COL26A1: variants seen among roughly 807,000 people sequenced by gnomAD.
COL26A1 encodes collagen type XXVI alpha 1 chain.
A neutral mutation model predicts 59.3 loss-of-function variants in COL26A1; 41 were observed. The ratio of observed to expected loss-of-function variants is 0.69; its 90% confidence interval spans 0.54 to 0.90. COL26A1 has a LOEUF of 0.90. COL26A1 is among the 40% of genes least tolerant of loss of function. The probability of loss-of-function intolerance (pLI) is 0.00; values close to 1 mark genes in which losing one functional copy is unlikely to be tolerated. For missense variants in COL26A1, 612 were observed against 602.3 expected (o/e 1.02, Z -0.17); for synonymous variants, 266 against 256.0 (o/e 1.04, Z -0.37).
intron 3 of COL26A1, among the ~76,000 whole-genome samples, chr7:101,510,552 G>A (rs1245563733): frequency 3.9e-5 from 6 of 152,176 alleles, no homozygotes; most frequent in Non-Finnish European, 7.3e-5. Context: ...GAGACAGGGC[G>A]AGCCTGGGGC....
intron 2 of COL26A1, among the ~76,000 whole-genome samples, chr7:101,420,982 TG>T (rs1363932756): frequency 2.0e-5 from 3 of 152,090 alleles, no homozygotes; most frequent in Non-Finnish European, 4.4e-5. Flanking sequence ...CTGCCCAGCC[TG>T]GGGCCTCTAC....
At chr7:101,498,933 C>T (rs147357955) in intron 3 of COL26A1, among the ~76,000 whole-genome samples, 47 of 152,258 alleles carry the variant, frequency 3.1e-4, no homozygotes, top group African/African-American at 1.1e-3. Context: ...GCATGTAAGC[C>T]GATCCCCGCA....
intron 3 of COL26A1, among the ~76,000 whole-genome samples, chr7:101,503,203 C>T (rs1212387639): frequency 6.6e-6 from 1 of 152,186 alleles, no homozygotes; most frequent in African/African-American, 2.4e-5. Flanking sequence ...CCTCTCGCCT[C>T]TGTTCTCTAA....
intron 3 of COL26A1, among the ~76,000 whole-genome samples, chr7:101,491,710 C>T (rs148620009): frequency 0.027 from 4,155 of 152,186 alleles, 72 homozygotes; most frequent in South Asian, 0.062. Flanking sequence ...GTGAGGACGA[C>T]CAGAGGTCAC....
intron 3 of COL26A1, among the ~76,000 whole-genome samples, chr7:101,516,400 T>C (rs1401628979): frequency 2.0e-5 from 3 of 152,090 alleles, no homozygotes; most frequent in African/African-American, 7.2e-5. Flanking sequence ...GCCTCTCGAA[T>C]AGCCGGGACT....
chr7:101,505,276 A>T (rs114312142), intron 3 of COL26A1, among the ~76,000 whole-genome samples: 2,439 of 151,538 alleles, frequency 0.016, 74 homozygotes, highest in African/African-American at 0.056. Flanking sequence ...AGTGTGCATG[A>T]ATGTGTATGA....
chr7:101,394,188 A>C (rs1410410885), intron 1 of COL26A1, among the ~76,000 whole-genome samples: 1 of 152,156 alleles, frequency 6.6e-6, no homozygotes, highest in African/African-American at 2.4e-5. Flanking sequence ...AGATGTTACC[A>C]TGGAAACCAG....
chr7:101,508,431 A>T (rs976109103), intron 3 of COL26A1, among the ~76,000 whole-genome samples: 2 of 150,602 alleles, frequency 1.3e-5, no homozygotes, highest in African/African-American at 4.9e-5. Flanking sequence ...AGGTGGGAGG[A>T]TCGCTTGAGC....
intron 3 of COL26A1, among the ~76,000 whole-genome samples, chr7:101,463,889 CTTTCTTTCTTTCTT>C (rs1229015261): frequency 1.3e-5 from 1 of 79,700 alleles, no homozygotes; most frequent in African/African-American, 6.4e-5. Flanking sequence ...TTCTTTCTTT[CTTTCTTTCTTTCTT>C]TTTCTTTCTC....
At chr7:101,459,626 G>C (rs11771778) in intron 3 of COL26A1, among the ~76,000 whole-genome samples, 66,688 of 151,744 alleles carry the variant, frequency 0.44, 15,453 homozygotes, top group Middle Eastern at 0.54. Context: ...GCCTACGACC[G>C]TGGAGTTTTA....
chr7:101,378,638 T>TG (rs1275835197), intron 1 of COL26A1, among the ~76,000 whole-genome samples: 1 of 151,842 alleles, frequency 6.6e-6, no homozygotes, highest in African/African-American at 2.4e-5. Context: ...CCAAGACCGG[T>TG]GGGGGGACAG....
chr7:101,557,376 T>G lies in COL26A1; in HGVS notation c.1172T>G (p.Leu391Arg), dbSNP rs1257228044. 1 of 1,612,638 alleles carries G rather than the reference T, an allele frequency of 6.2e-7. No homozygotes were observed. Among genetic ancestry groups the G allele is most frequent in the African/African-American group, 1.3e-5 (1 of 74,916 alleles). Residue 391 changes from leucine to arginine, a missense_variant, in exon 13 of 13, where the codon CTG (leucine) becomes CGG (arginine). Leu to Arg is a moderately radical substitution (Grantham distance 102). Coordinates refer to ENST00000313669, the MANE Select transcript of COL26A1 (RefSeq NM_001278563.3). ...LEHMIGIHDP[L>R]ASPEGGSGQD... Reference sequence around the variant, plus strand: ...CCTCCTGCTCTCCTTCCAGATCCCCTGGCCTCCCCAGAGGGAGGTTCTGGC... The same window carrying G: ...CCTCCTGCTCTCCTTCCAGATCCCCGGGCCTCCCCAGAGGGAGGTTCTGGC...
intron 3 of COL26A1, among the ~76,000 whole-genome samples, chr7:101,474,329 G>A (rs1400749599): frequency 6.6e-6 from 1 of 152,126 alleles, no homozygotes; most frequent in Non-Finnish European, 1.5e-5. Flanking sequence ...GGGTGTGATA[G>A]CTTATGCCTG....
chr7:101,552,966 C>A (rs1416057813), intron 10 of COL26A1, among the ~76,000 whole-genome samples: 5 of 152,100 alleles, frequency 3.3e-5, no homozygotes, highest in African/African-American at 1.2e-4. Flanking sequence ...GTATTACTGG[C>A]CTTGTGTTGG....
intron 2 of COL26A1, among the ~76,000 whole-genome samples, chr7:101,443,061 A>C (rs954677837): frequency 2.0e-5 from 3 of 152,156 alleles, no homozygotes; most frequent in African/African-American, 7.2e-5. Context: ...ATGTGTGTGC[A>C]TGTATGTGAG....
chr7:101,383,731 C>T (rs1448242197), intron 1 of COL26A1, among the ~76,000 whole-genome samples: 1 of 152,290 alleles, frequency 6.6e-6, no homozygotes, highest in South Asian at 2.1e-4. Flanking sequence ...GACAGGGTTT[C>T]GCCATGTTGG....
At chr7:101,471,299 G>T (rs1285847591) in intron 3 of COL26A1, among the ~76,000 whole-genome samples, 1 of 152,152 alleles carries the variant, frequency 6.6e-6, no homozygotes, top group African/African-American at 2.4e-5. Context: ...GGTGGCTGAT[G>T]TGGAGCCACA....
chr7:101,463,669 TCCTC>T (rs1272816784), intron 3 of COL26A1, among the ~76,000 whole-genome samples: 11 of 108,350 alleles, frequency 1.0e-4, no homozygotes, highest in Admixed American at 2.0e-4. Flanking sequence ...CATCCTTCCT[TCCTC>T]CCTCCCGTCC....
intron 12 of COL26A1, among the ~76,000 whole-genome samples, chr7:101,556,846 TA>T (rs1387646381): frequency 6.7e-6 from 1 of 149,848 alleles, no homozygotes; most frequent in Non-Finnish European, 1.5e-5. Flanking sequence ...GATGGATGGG[TA>T]AATGAGTGAA....
Sources: allele counts gnomAD v4.1 joint callset (sites outside exome capture counted in the v4.1 genomes callset), GRCh38; gene constraint gnomAD v4.1.1; transcripts MANE v1.5; gene names NCBI Gene and HGNC (gene_info 2026-07-23, HGNC 2026-07-21).